The following ZFR variants were observed in gnomAD, a reference collection of about 807,000 sequenced individuals.
The protein encoded by ZFR is zinc finger RNA-binding protein.
Under a neutral mutation model 130.7 loss-of-function variants are expected in ZFR, and 19 were observed. The ratio of observed to expected loss-of-function variants is 0.15; its 90% confidence interval spans 0.10 to 0.21. The LOEUF (loss-of-function observed/expected upper bound fraction) is 0.21. ZFR is among the 10% of genes least tolerant of loss of function. ZFR has a pLI of 1.00. For missense variants in ZFR, 872 were observed against 1,321.5 expected, an observed-to-expected ratio of 0.66 and a Z score of 5.27; for synonymous variants, 466 against 456.9, an observed-to-expected ratio of 1.02 and a Z score of -0.25.
intron 5 of ZFR, among the ~76,000 whole-genome samples, chr5:32,414,276 A>C (rs1403848794): frequency 2.0e-5 from 3 of 152,186 alleles, no homozygotes; most frequent in Admixed American, 2.0e-4. Context: ...GAAATAAAAG[A>C]GTGTCATTCA....
In ZFR at chr5:32,367,018, C is replaced by G. The variant is rs1752562383; in HGVS notation, c.2836-2743G>C. Among the ~76,000 whole-genome samples the G allele has an allele frequency of 2.0e-5, 3 of 152,002 alleles. No individual in the cohort carries two copies. In the South Asian group the frequency reaches 6.2e-4, roughly 32 times the overall value. On this transcript the variant is annotated intron_variant, in intron 17 of 19. Transcript: ENST00000265069. Reference sequence around the variant, plus strand: ...TCAAGTAATCATACCTCAGTTTCCCCAGTAGCTGAGACTACAAGTGAATGC... The same window carrying G: ...TCAAGTAATCATACCTCAGTTTCCCGAGTAGCTGAGACTACAAGTGAATGC...
At chr5:32,359,774 C>A (rs1391457677) in intron 19 of ZFR, among the ~76,000 whole-genome samples, 1 of 152,084 alleles carries the variant, frequency 6.6e-6, no homozygotes, top group East Asian at 1.9e-4. Flanking sequence ...CATGGTGAAA[C>A]CCCGTCTCTA....
At position 32,440,697 on chromosome 5, in the gene ZFR, T is replaced by C. The variant is rs115799089; in HGVS notation, c.137+3532A>G. Among the ~76,000 whole-genome samples the C allele has an allele frequency of 1.0e-2, 1,505 of 150,682 alleles. 30 individuals carry two copies. Among genetic ancestry groups the C allele is most frequent in the African/African-American group, 0.035 (1,447 of 41,066 alleles). On this transcript the variant is annotated intron_variant, in intron 2 of 19. Coordinates refer to ENST00000265069, the MANE Select transcript of ZFR (RefSeq NM_016107.5). ...ACAAAACAGGAAAAAAAAAATTCCATAGTTTATGGGACTTAGAACACAAGA... is the reference window on the plus strand; with the variant it reads ...ACAAAACAGGAAAAAAAAAATTCCACAGTTTATGGGACTTAGAACACAAGA...
At chr5:32,411,782 A>G (rs1169011776) in intron 5 of ZFR, among the ~76,000 whole-genome samples, 4 of 150,714 alleles carry the variant, frequency 2.7e-5, no homozygotes, top group Non-Finnish European at 5.9e-5. Context: ...TAGCACTTAC[A>G]TGGTATTAGG....
intron 19 of ZFR, among the ~76,000 whole-genome samples, chr5:32,360,800 C>G (rs1229487066): frequency 6.6e-6 from 1 of 152,050 alleles, no homozygotes; most frequent in African/African-American, 2.4e-5. Flanking sequence ...CTATGTTGCT[C>G]AAACTGGTAA....
intron 6 of ZFR, 38 bp downstream of exon 6, chr5:32,406,736 C>A: frequency 5.7e-6 from 9 of 1,582,668 alleles, no homozygotes; most frequent in African/African-American, 1.4e-5. Flanking sequence ...CACTTAATAA[C>A]CACTGAAGAC....
chr5:32,420,778 C>T (rs1753937792), intron 2 of ZFR, among the ~76,000 whole-genome samples: 2 of 152,252 alleles, frequency 1.3e-5, no homozygotes, highest in East Asian at 1.9e-4. Context: ...ACAGGACAGC[C>T]GTGCATAACA....
intron 5 of ZFR, among the ~76,000 whole-genome samples, chr5:32,408,888 AG>A (rs138647435): frequency 1.1e-3 from 166 of 152,348 alleles, no homozygotes; most frequent in East Asian, 5.2e-3. Context: ...CTAACATAAA[AG>A]TCTAAGAAGG....
At chr5:32,432,974 C>A (rs1008120539) in intron 2 of ZFR, among the ~76,000 whole-genome samples, 3 of 151,802 alleles carry the variant, frequency 2.0e-5, no homozygotes, top group Non-Finnish European at 4.4e-5. Context: ...TCAAGTGATC[C>A]TCCCGCTTCA....
chr5:32,409,657 C>T (rs771909175), intron 5 of ZFR, among the ~76,000 whole-genome samples: 5 of 152,142 alleles, frequency 3.3e-5, no homozygotes, highest in Non-Finnish European at 4.4e-5. Flanking sequence ...CCACCTACCT[C>T]GGCCTCTCCA....
chr5:32,414,492 G>A (rs1753776959), intron 5 of ZFR, among the ~76,000 whole-genome samples: 1 of 152,194 alleles, frequency 6.6e-6, no homozygotes, highest in African/African-American at 2.4e-5. Context: ...CAAAAAAGGT[G>A]TGTTACATAA....
At chr5:32,402,861 G>C (rs1036709139) in intron 8 of ZFR, among the ~76,000 whole-genome samples, 4 of 151,742 alleles carry the variant, frequency 2.6e-5, no homozygotes, top group East Asian at 3.9e-4. Context: ...TGTGTGTGCA[G>C]ATCTTTTTTT....
intron 2 of ZFR, among the ~76,000 whole-genome samples, chr5:32,436,140 CTTTTTTTTT>C (rs370998112): frequency 0.28 from 25,498 of 91,796 alleles, 2,155 homozygotes; most frequent in Middle Eastern, 0.58. Context: ...CAGTTGTATT[CTTTTTTTTT>C]TTTTTTTTTT....
At position 32,363,922 on chromosome 5, in the gene ZFR, G is replaced by A. The variant is rs745528705; in HGVS notation, c.3045+26C>T. On this transcript the variant is annotated intron_variant, in intron 19 of 19. Coordinates refer to ENST00000265069, the MANE Select transcript of ZFR (RefSeq NM_016107.5). ...AAACCTTAATGGAGTAACCCAATAG[G>A]GCTCTGAATTTAGGAATACCAGTAC... 5.6e-6 allele frequency: 9 copies of A among 1,594,214 alleles called. No individual in the cohort carries two copies. In the East Asian group the frequency reaches 2.0e-4, roughly 36 times the overall value.
At chr5:32,410,231 G>T (rs1753672486) in intron 5 of ZFR, among the ~76,000 whole-genome samples, 1 of 144,412 alleles carries the variant, frequency 6.9e-6, no homozygotes, top group African/African-American at 2.6e-5. Context: ...GCAGTGAGCT[G>T]GGATTGTGCC....
chr5:32,374,703 G>GCAAACAAA (rs57357440), intron 17 of ZFR, among the ~76,000 whole-genome samples: 15 of 150,490 alleles, frequency 1.0e-4, no homozygotes, highest in South Asian at 2.1e-4. Flanking sequence ...AGAATTAAAA[G>GCAAACAAA]CAAACAAACA....
Position 32,395,887 on chromosome 5 carries a change from T to G in ZFR, c.1834-583A>C, listed in dbSNP as rs148630543. On this transcript the variant is annotated intron_variant, in intron 10 of 19. Transcript: ENST00000265069. ...AAATGTGTTAACATAAAAATAACTG[T>G]TTATGTTATCAGTAAGGCTTCTGGT... is the stretch of plus-strand genomic sequence containing the variant. Among the ~76,000 whole-genome samples, 1,421 of 152,254 alleles carry G rather than the reference T, an allele frequency of 9.3e-3. 30 individuals are homozygous for G. Among genetic ancestry groups the G allele is most frequent in the African/African-American group, 0.033 (1,351 of 41,526 alleles).
chr5:32,438,252 AATTTTTTTTT>A (rs1754385433), intron 2 of ZFR, among the ~76,000 whole-genome samples: 1 of 83,476 alleles, frequency 1.2e-5, no homozygotes, highest in Non-Finnish European at 2.4e-5. Flanking sequence ...TTTATCTGAA[AATTTTTTTTT>A]TTTTTTTTTT....
chr5:32,441,893 C>A (rs376198074), intron 2 of ZFR, among the ~76,000 whole-genome samples: 2 of 151,992 alleles, frequency 1.3e-5, no homozygotes, highest in Non-Finnish European at 2.9e-5. Context: ...ATCAGATGTA[C>A]ACTTAATCAA....
Sources: gnomAD v4.1 joint callset for allele counts (sites outside exome capture counted in the v4.1 genomes callset) on GRCh38, gnomAD v4.1.1 for gene constraint, MANE v1.5 for transcripts, NCBI Gene and HGNC (gene_info 2026-07-23, HGNC 2026-07-21) for gene names.